The following CHD6 variants were observed in gnomAD, a reference collection of about 807,000 sequenced individuals.
CHD6 encodes the protein ATP-dependent chromatin remodeler CHD6.
CHD6 carries 50 observed loss-of-function variants against 276.9 expected under a neutral mutation model. The observed-to-expected ratio is 0.18, with a 90% confidence interval of 0.14 to 0.23. CHD6 has a LOEUF of 0.23. CHD6 is among the 10% of genes least tolerant of loss of function. The pLI, the probability that CHD6 is intolerant of heterozygous loss-of-function variation, is 1.00. For synonymous variants in CHD6, 1,173 were observed against 1,229.3 expected (o/e 0.95, Z 0.96); for missense variants, 2,564 against 3,365.8 (o/e 0.76, Z 5.89).
chr20:41,428,213 C>G (rs147957648), intron 27 of CHD6, among the ~76,000 whole-genome samples: 9 of 152,304 alleles, frequency 5.9e-5, no homozygotes, highest in African/African-American at 2.2e-4. Context: ...CTGTTCCTGT[C>G]CTCTCTTGAA....
chr20:41,586,206 C>T (rs939981426), intron 1 of CHD6, among the ~76,000 whole-genome samples: 2 of 152,162 alleles, frequency 1.3e-5, no homozygotes, highest in Admixed American at 6.5e-5. Context: ...TCTTCTGGTC[C>T]GTGTTTGTTC....
chr20:41,519,099 T>C (rs2044321925), intron 3 of CHD6, among the ~76,000 whole-genome samples: 1 of 152,132 alleles, frequency 6.6e-6, no homozygotes, highest in African/African-American at 2.4e-5. Context: ...CTGGGCAATA[T>C]GGCGAAACCC....
intron 27 of CHD6, among the ~76,000 whole-genome samples, chr20:41,428,161 A>G (rs1194784915): frequency 6.6e-6 from 1 of 152,174 alleles, no homozygotes; most frequent in Non-Finnish European, 1.5e-5. Context: ...TTTTAGGCAA[A>G]ACTTTCAAGT....
chr20:41,422,316 A>C (rs2047221185), intron 30 of CHD6, among the ~76,000 whole-genome samples: 1 of 152,166 alleles, frequency 6.6e-6, no homozygotes, highest in Non-Finnish European at 1.5e-5. Flanking sequence ...TTCTGAAAAC[A>C]GTATTAGTTT....
chr20:41,407,630 G>T (rs774545678), intron 36 of CHD6, among the ~76,000 whole-genome samples: 3 of 152,204 alleles, frequency 2.0e-5, no homozygotes, highest in Admixed American at 6.5e-5. Flanking sequence ...TTTATTTAAG[G>T]GGCAGCTGTA....
At chr20:41,590,754 T>C (rs73613220) in intron 1 of CHD6, among the ~76,000 whole-genome samples, 3,392 of 152,108 alleles carry the variant, frequency 0.022, 46 homozygotes, top group South Asian at 0.041. Flanking sequence ...ACTTTTACAC[T>C]GTTGGTGGGA....
intron 1 of CHD6, among the ~76,000 whole-genome samples, chr20:41,563,467 G>A (rs897663667): frequency 2.6e-5 from 4 of 152,004 alleles, no homozygotes; most frequent in African/African-American, 4.8e-5. Flanking sequence ...TGCCACATTC[G>A]CACAATCAGA....
intron 17 of CHD6, among the ~76,000 whole-genome samples, chr20:41,465,245 G>A (rs1261260311): frequency 1.3e-5 from 2 of 152,142 alleles, no homozygotes; most frequent in African/African-American, 4.8e-5. Context: ...GTTATTTTAT[G>A]GTGGAGAAAC....
At chr20:41,503,109 G>A (rs1046487810) in intron 5 of CHD6, among the ~76,000 whole-genome samples, 1 of 152,170 alleles carries the variant, frequency 6.6e-6, no homozygotes, top group Admixed American at 6.5e-5. Flanking sequence ...AGCATAGACG[G>A]CTTGTGTATT....
In CHD6 at chr20:41,412,217, G is replaced by T; in HGVS notation, c.7178C>A (p.Pro2393His). The T allele has an allele frequency of 6.2e-7, 1 of 1,614,166 alleles. No individual in the cohort carries two copies. The highest frequency in any genetic ancestry group is 1.3e-5 in the African/African-American group (1 of 75,050). Residue 2393 changes from proline (P) to histidine (H), a missense_variant, in exon 36 of 37, where the codon CCT (proline) becomes CAT (histidine). Coordinates refer to ENST00000373233, the MANE Select transcript of CHD6 (RefSeq NM_032221.5). ...CAGGGAGCTGACATCTAATTTTCCAGGTTCTTTACAGCGTGGCCTCCTCTG... is the reference window on the plus strand; with the variant it reads ...CAGGGAGCTGACATCTAATTTTCCATGTTCTTTACAGCGTGGCCTCCTCTG... ...PKQRRPRCKE[P>H]GKLDVSSLSG...
chr20:41,415,700 T>C lies in CHD6; in HGVS notation c.6487-62A>G, dbSNP rs1489795071. 2.4e-6 allele frequency: 3 copies of C among 1,276,438 alleles called. No homozygotes were observed. In the African/African-American group the frequency reaches 4.5e-5, roughly 19 times the overall value. 79.1% of individuals were successfully genotyped at this position (1,276,438 alleles called of 1,614,324 possible). On this transcript the variant is annotated intron_variant, in intron 33 of 36. Transcript: ENST00000373233. ...CACACAAGTGGCTGAATGCTAGCTC[T>C]TTCTCCAGGCCTGATTTCCCTAGGC...
intron 6 of CHD6, among the ~76,000 whole-genome samples, chr20:41,498,999 C>T (rs1398155968): frequency 4.6e-5 from 7 of 152,052 alleles, no homozygotes; most frequent in Non-Finnish European, 1.0e-4. Flanking sequence ...TTGTCCATCT[C>T]TTCTTCTTGG....
chr20:41,416,518 G>T, intron 33 of CHD6, 70 bp downstream of exon 33: 1 of 1,390,494 alleles, frequency 7.2e-7, no homozygotes, highest in Non-Finnish European at 9.8e-7. Context: ...CTGAATGAAT[G>T]AACTCAACAG....
chr20:41,442,955 C>T (rs1035938737), intron 25 of CHD6, among the ~76,000 whole-genome samples: 2 of 152,226 alleles, frequency 1.3e-5, no homozygotes, highest in South Asian at 2.1e-4. Context: ...TAGGCTCAGT[C>T]TCCTAGCACT....
chr20:41,443,436 C>T (rs2047962055), intron 25 of CHD6, among the ~76,000 whole-genome samples: 1 of 152,206 alleles, frequency 6.6e-6, no homozygotes, highest in Non-Finnish European at 1.5e-5. Context: ...CATTCTAAGG[C>T]TATGTCCTTC....
At chr20:41,563,853 G>T (rs2045327574) in intron 1 of CHD6, among the ~76,000 whole-genome samples, 1 of 152,170 alleles carries the variant, frequency 6.6e-6, no homozygotes, top group Non-Finnish European at 1.5e-5. Context: ...GCCCATTCAA[G>T]CTTCAGAGCC....
chr20:41,531,533 G>GA (rs1429462373), intron 3 of CHD6, among the ~76,000 whole-genome samples: 5 of 152,172 alleles, frequency 3.3e-5, no homozygotes, highest in Non-Finnish European at 7.3e-5. Context: ...GGTTCACTAA[G>GA]AAACAAATCC....
rs756160823 is a variant in CHD6, at chr20:41,421,343, T to G, written c.5292A>C (p.Leu1764Phe). The stretch of plus-strand genomic sequence containing the variant: ...TTGCTTGAGCTACTCCTCCTGCTTC[T>G]AAGCTACCCATAAAAGTAGGGCCAG... ...IASGPTFMGS[L>F]EAGGVAQANI... Residue 1764 changes from leucine to phenylalanine, a missense_variant, in exon 31 of 37, where the codon TTA becomes TTC. Physicochemically the swap from Leu to Phe is conservative, Grantham distance 22. Coordinates refer to ENST00000373233, the MANE Select transcript of CHD6 (RefSeq NM_032221.5). 26 of 1,613,970 alleles carry G rather than the reference T, an allele frequency of 1.6e-5. No individual in the cohort carries two copies. In the African/African-American group the frequency reaches 3.1e-4, roughly 19 times the overall value.
chr20:41,564,923 A>G (rs1177955697), intron 1 of CHD6, among the ~76,000 whole-genome samples: 3 of 152,228 alleles, frequency 2.0e-5, no homozygotes, highest in African/African-American at 7.2e-5. Flanking sequence ...TGAGAAAAGG[A>G]CAAAAATTAT....
Sources: gnomAD v4.1 joint callset for allele counts (sites outside exome capture counted in the v4.1 genomes callset) on GRCh38, gnomAD v4.1.1 for gene constraint, MANE v1.5 for transcripts, NCBI Gene and HGNC (gene_info 2026-07-23, HGNC 2026-07-21) for gene names.